RNF144B: variants seen among roughly 807,000 people sequenced by gnomAD.
RNF144B encodes E3 ubiquitin-protein ligase RNF144B.
RNF144B carries 25 observed loss-of-function variants against 40.2 expected under a neutral mutation model. The observed-to-expected ratio is 0.62, with a 90% CI of 0.45 to 0.87. The LOEUF is 0.87. Ranked by LOEUF, RNF144B falls within the 40% of genes least tolerant of loss-of-function variation. The probability of loss-of-function intolerance (pLI) is 0.00; values close to 1 mark genes in which losing one functional copy is unlikely to be tolerated. For synonymous variants in RNF144B, 145 were observed against 136.3 expected, an observed-to-expected ratio of 1.06 and a Z score of -0.44; for missense variants, 365 against 373.7, an observed-to-expected ratio of 0.98 and a Z score of 0.19.
intron 2 of RNF144B, among the ~76,000 whole-genome samples, chr6:18,424,544 G>A (rs1758505306): frequency 6.6e-6 from 1 of 152,166 alleles, no homozygotes; most frequent in Admixed American, 6.5e-5. Flanking sequence ...TTGTGGCCAG[G>A]AGAGTGCTTA....
chr6:18,463,920 C>A (rs1427866443), intron 7 of RNF144B, among the ~76,000 whole-genome samples: 3 of 152,116 alleles, frequency 2.0e-5, no homozygotes, highest in Non-Finnish European at 4.4e-5. Flanking sequence ...ATTTATAAAA[C>A]CATCAGATCT....
rs555630837 is a variant in RNF144B at position 18,395,380 on chromosome 6, C to A, written c.-36-4119C>A. ...ATGCCCTGAGCTTCCTGAGGCTCTA[C>A]TATTGGGGGTTTCATGCTGTGAAGA... On this transcript the variant is annotated intron_variant, in intron 1 of 7. Transcript: ENST00000259939. The surrounding 1 kb of genome is among the most constrained non-coding windows in gnomAD (Gnocchi z 4.5). 2.6e-5 allele frequency among the ~76,000 whole-genome samples: 4 copies of A among 152,036 alleles called. No homozygotes were observed. The highest frequency in any genetic ancestry group is 5.9e-5 in the Non-Finnish European group (4 of 68,018).
chr6:18,411,214 A>G (rs946855830), intron 2 of RNF144B, among the ~76,000 whole-genome samples: 2 of 151,616 alleles, frequency 1.3e-5, no homozygotes, highest in African/African-American at 4.8e-5. Context: ...CGATCTCCTG[A>G]TCTTATGATC....
chr6:18,415,592 A>T (rs1350373526), intron 2 of RNF144B, among the ~76,000 whole-genome samples: 1 of 152,100 alleles, frequency 6.6e-6, no homozygotes, highest in African/African-American at 2.4e-5. Flanking sequence ...TTTGAAGGGG[A>T]CACCATCATT....
In RNF144B at chr6:18,425,348, T is replaced by G. The variant is rs908665108; in HGVS notation, c.166-2233T>G. On this transcript the variant is annotated intron_variant, in intron 2 of 7. Coordinates refer to ENST00000259939, the MANE Select transcript of RNF144B (RefSeq NM_182757.4). The surrounding 1 kb of genome is among the most constrained non-coding windows in gnomAD (Gnocchi z 4.2). ...AGTGGGAAGATCAAGGCAGTAACAA[T>G]GGAACAGGTGTGGCTGATGGAAGGC... is the stretch of plus-strand genomic sequence containing the variant. Among the ~76,000 whole-genome samples, 1 of 152,172 alleles carries G rather than the reference T, an allele frequency of 6.6e-6. No homozygotes were observed. Among genetic ancestry groups the G allele is most frequent in the Non-Finnish European group, 1.5e-5 (1 of 68,024 alleles).
At chr6:18,417,304 C>G (rs775710388) in intron 2 of RNF144B, among the ~76,000 whole-genome samples, 4 of 152,092 alleles carry the variant, frequency 2.6e-5, no homozygotes, top group Non-Finnish European at 5.9e-5. Flanking sequence ...TTGGAGAGCT[C>G]TATTCCTCAT....
In RNF144B at chr6:18,464,769, C is replaced by T. The variant is rs1430958860; in HGVS notation, c.772-158C>T. Reference sequence around the variant, plus strand: ...TAAACCAACTAACTTCTAAAGGCCTCGTCTCCAAATACCGTCACATCGGGG... The same window carrying T: ...TAAACCAACTAACTTCTAAAGGCCTTGTCTCCAAATACCGTCACATCGGGG... On this transcript the variant is annotated intron_variant, in intron 7 of 7. Coordinates refer to ENST00000259939, the MANE Select transcript of RNF144B (RefSeq NM_182757.4). The surrounding 1 kb of genome is among the most constrained non-coding windows in gnomAD (Gnocchi z 6.1). Among the ~76,000 whole-genome samples, 3 of 152,190 alleles carry T rather than the reference C, an allele frequency of 2.0e-5. No individual in the cohort carries two copies. Among genetic ancestry groups the T allele is most frequent in the South Asian group, 2.1e-4 (1 of 4,830 alleles).
intron 1 of RNF144B, among the ~76,000 whole-genome samples, chr6:18,392,849 T>C (rs555639363): frequency 1.2e-4 from 19 of 152,268 alleles, no homozygotes; most frequent in African/African-American, 4.3e-4. Context: ...ATGTGTAATA[T>C]CATGTATGTA....
At chr6:18,462,480 C>T (rs952224159) in intron 6 of RNF144B, among the ~76,000 whole-genome samples, 7 of 152,168 alleles carry the variant, frequency 4.6e-5, no homozygotes, top group African/African-American at 1.7e-4. Context: ...GTTCAGCAGC[C>T]TCTTTGCTTC....
At chr6:18,389,423 C>T (rs1794537918) in intron 1 of RNF144B, among the ~76,000 whole-genome samples, 1 of 152,154 alleles carries the variant, frequency 6.6e-6, no homozygotes, top group Non-Finnish European at 1.5e-5. Flanking sequence ...TCTTTCTCCT[C>T]AGTAGTATGA....
chr6:18,421,486 A>G (rs1758425953), intron 2 of RNF144B, among the ~76,000 whole-genome samples: 1 of 152,020 alleles, frequency 6.6e-6, no homozygotes, highest in Admixed American at 6.6e-5. Context: ...TGGAATCACT[A>G]AAAATTTTGA....
chr6:18,436,502 T>C (rs1758826585), intron 3 of RNF144B, among the ~76,000 whole-genome samples: 1 of 152,186 alleles, frequency 6.6e-6, no homozygotes, highest in Admixed American at 6.5e-5. Context: ...CAACTAAATT[T>C]AGAAAGTGTT....
intron 2 of RNF144B, among the ~76,000 whole-genome samples, chr6:18,417,926 A>G (rs1246970531): frequency 6.6e-6 from 1 of 152,190 alleles, no homozygotes; most frequent in Admixed American, 6.5e-5. Flanking sequence ...GAAAGTATAG[A>G]TAGTTCTGAA....
In RNF144B at chr6:18,457,394, C is replaced by G; in HGVS notation, c.536+35C>G. The G allele has an allele frequency of 6.6e-7, 1 of 1,515,198 alleles. No individual in the cohort carries two copies. The highest frequency in any genetic ancestry group is 9.2e-7 in the Non-Finnish European group (1 of 1,089,800). 93.9% of individuals were successfully genotyped at this position (1,515,198 alleles called of 1,614,324 possible). A position where few individuals can be genotyped will look rare whatever the true frequency, so the allele number is the denominator to read the frequency against. Reference sequence around the variant, plus strand: ...GAAACTTTGTCTTTGGGATTATTCACTAGTTTTCTTAGAAATTCAACATAC... The same window carrying G: ...GAAACTTTGTCTTTGGGATTATTCAGTAGTTTTCTTAGAAATTCAACATAC... On this transcript the variant is annotated intron_variant, in intron 5 of 7. Coordinates refer to ENST00000259939, the MANE Select transcript of RNF144B (RefSeq NM_182757.4). This position sits in a 1 kb window ranked among gnomAD's most constrained non-coding sequence, Gnocchi z 5.1.
chr6:18,394,458 C>T (rs549044220), intron 1 of RNF144B, among the ~76,000 whole-genome samples: 4 of 152,038 alleles, frequency 2.6e-5, no homozygotes, highest in South Asian at 4.2e-4. Context: ...ATTAGCCCGG[C>T]GTGGTGGTGG....
rs1794674131 is a variant in RNF144B at position 18,395,449 on chromosome 6, C to T, written c.-36-4050C>T. On this transcript the variant is annotated intron_variant, in intron 1 of 7. Coordinates refer to ENST00000259939, the MANE Select transcript of RNF144B (RefSeq NM_182757.4). The surrounding 1 kb of genome is among the most constrained non-coding windows in gnomAD (Gnocchi z 4.5). ...ACACAAAGGAAGAAATGCAAGGAAA[C>T]CTTGGAGCCATTCACAGGCATCTCA... is the stretch of plus-strand genomic sequence containing the variant. 6.6e-6 allele frequency among the ~76,000 whole-genome samples: 1 copy of T among 152,058 alleles called. No individual in the cohort carries two copies. The highest frequency in any genetic ancestry group is 2.4e-5 in the African/African-American group (1 of 41,384).
At chr6:18,428,028 T>A (rs1758603703) in intron 3 of RNF144B, among the ~76,000 whole-genome samples, 1 of 152,088 alleles carries the variant, frequency 6.6e-6, no homozygotes, top group Non-Finnish European at 1.5e-5. Context: ...AATCCCCACG[T>A]GTCAAGGGTG....
chr6:18,427,044 C>T (rs1325719953), intron 2 of RNF144B, among the ~76,000 whole-genome samples: 1 of 152,158 alleles, frequency 6.6e-6, no homozygotes, highest in East Asian at 1.9e-4. Context: ...TCTTTGCTGT[C>T]CCCAGTCAGC....
chr6:18,428,306 C>T (rs893998022), intron 3 of RNF144B, among the ~76,000 whole-genome samples: 10 of 152,044 alleles, frequency 6.6e-5, no homozygotes, highest in Admixed American at 3.9e-4. Context: ...TGAGAATGGA[C>T]ACATACAGAG....
Sources: gnomAD v4.1 joint callset for allele counts (sites outside exome capture counted in the v4.1 genomes callset) on GRCh38, gnomAD v4.1.1 for gene constraint, Gnocchi (gnomAD v3.1) non-coding constraint, MANE v1.5 for transcripts, NCBI Gene and HGNC (gene_info 2026-07-23, HGNC 2026-07-21) for gene names.